Variants in TRHDE observed in about 807,000 individuals in gnomAD.
The protein encoded by TRHDE is thyrotropin-releasing hormone-degrading ectoenzyme.
TRHDE carries 72 observed loss-of-function variants against 125.7 expected under a neutral mutation model. The observed-to-expected ratio is 0.57, with a 90% confidence interval of 0.47 to 0.70. The LOEUF is 0.70. TRHDE is among the 30% of genes least tolerant of loss of function. TRHDE has a pLI of 0.00. For synonymous variants in TRHDE, 509 were observed against 509.1 expected (o/e 1.00, Z 0.00); for missense variants, 1,110 against 1,327.1 (o/e 0.84, Z 2.54).
intron 2 of TRHDE, among the ~76,000 whole-genome samples, chr12:72,333,109 G>T (rs1227319568): frequency 6.6e-6 from 1 of 152,214 alleles, no homozygotes; most frequent in Non-Finnish European, 1.5e-5. Flanking sequence ...TCAGGTCCTT[G>T]ATTTAATGCC....
At chr12:72,510,690 A>T (rs1385258438) in intron 6 of TRHDE, among the ~76,000 whole-genome samples, 2 of 152,198 alleles carry the variant, frequency 1.3e-5, no homozygotes, top group Admixed American at 6.5e-5. Flanking sequence ...AGTAAGTAAC[A>T]TACTAGCATG....
intron 3 of TRHDE, among the ~76,000 whole-genome samples, chr12:72,410,605 AAGG>A (rs979454905): frequency 2.0e-5 from 3 of 152,308 alleles, no homozygotes; most frequent in Middle Eastern, 3.4e-3. Flanking sequence ...TAATTTAAAA[AAGG>A]AGAGAAAATA....
chr12:72,427,898 G>C (rs1018505819), intron 3 of TRHDE, among the ~76,000 whole-genome samples: 9 of 152,130 alleles, frequency 5.9e-5, no homozygotes, highest in African/African-American at 1.9e-4. Flanking sequence ...CAGATTGGCT[G>C]TGTCAGAATG....
intron 15 of TRHDE, among the ~76,000 whole-genome samples, chr12:72,622,148 A>G (rs1389233504): frequency 6.6e-6 from 1 of 152,122 alleles, no homozygotes; most frequent in Admixed American, 6.6e-5. Flanking sequence ...ACAAAGTAGC[A>G]TAACAAATGT....
chr12:72,186,264 G>A, intron 2 of TRHDE: 1 of 166,644 alleles, frequency 6.0e-6, no homozygotes, highest in Non-Finnish European at 1.2e-5. Flanking sequence ...CGGGAGGAAC[G>A]CACAACTCCA....
intron 12 of TRHDE, among the ~76,000 whole-genome samples, chr12:72,584,904 T>C (rs1871378433): frequency 6.6e-6 from 1 of 152,210 alleles, no homozygotes; most frequent in Non-Finnish European, 1.5e-5. Context: ...ACTCTAAAAA[T>C]ATCATATTGT....
At chr12:72,408,706 C>G (rs1307464306) in intron 3 of TRHDE, among the ~76,000 whole-genome samples, 1 of 152,016 alleles carries the variant, frequency 6.6e-6, no homozygotes, top group Non-Finnish European at 1.5e-5. Context: ...GAAGACTGGA[C>G]AAACCAAATC....
chr12:72,605,417 T>C (rs1160097413), intron 12 of TRHDE, among the ~76,000 whole-genome samples: 2 of 152,134 alleles, frequency 1.3e-5, no homozygotes, highest in East Asian at 1.9e-4. Flanking sequence ...TCAGTTACTA[T>C]TTAGCACCCT....
At chr12:72,096,566 A>G (rs1200768839) in intron 1 of TRHDE, among the ~76,000 whole-genome samples, 1 of 152,180 alleles carries the variant, frequency 6.6e-6, no homozygotes, top group East Asian at 1.9e-4. Flanking sequence ...ACAACAACTC[A>G]GTTTTCATTC....
At chr12:72,481,764 T>C (rs1877186413) in intron 5 of TRHDE, among the ~76,000 whole-genome samples, 1 of 151,978 alleles carries the variant, frequency 6.6e-6, no homozygotes, top group African/African-American at 2.4e-5. Flanking sequence ...TCTTTAGCTT[T>C]GTACCTTTTC....
chr12:72,494,028 T>G (rs1877799502), intron 5 of TRHDE, among the ~76,000 whole-genome samples: 1 of 152,078 alleles, frequency 6.6e-6, no homozygotes, highest in African/African-American at 2.4e-5. Flanking sequence ...TGTCTTTGTA[T>G]CTTTCTTATC....
intron 18 of TRHDE, among the ~76,000 whole-genome samples, chr12:72,661,025 A>G (rs761753423): frequency 6.6e-6 from 1 of 152,162 alleles, no homozygotes; most frequent in Non-Finnish European, 1.5e-5. Flanking sequence ...TGTAGAAAGT[A>G]GGCCAGATGT....
intron 1 of TRHDE, among the ~76,000 whole-genome samples, chr12:72,089,304 T>C (rs1288405055): frequency 6.6e-6 from 1 of 152,176 alleles, no homozygotes; most frequent in Non-Finnish European, 1.5e-5. Flanking sequence ...GCCAGAGAGA[T>C]CTTTAAAGAC....
At chr12:72,633,755 G>T (rs563005664) in intron 15 of TRHDE, among the ~76,000 whole-genome samples, 6 of 152,036 alleles carry the variant, frequency 3.9e-5, no homozygotes, top group African/African-American at 1.2e-4. Context: ...TACTATATTT[G>T]ATTGACAAGT....
At chr12:72,178,273 A>C (rs1877028471) in intron 2 of TRHDE, among the ~76,000 whole-genome samples, 1 of 152,122 alleles carries the variant, frequency 6.6e-6, no homozygotes, top group Non-Finnish European at 1.5e-5. Flanking sequence ...ATATTGAGTC[A>C]TCAGACAGTT....
chr12:72,220,536 A>G (rs1877980665), intron 2 of TRHDE, among the ~76,000 whole-genome samples: 1 of 152,050 alleles, frequency 6.6e-6, no homozygotes, highest in South Asian at 2.1e-4. Flanking sequence ...TCCAAAACCC[A>G]AGGAACTCAT....
chr12:72,533,674 CTT>C (rs1230031754), intron 6 of TRHDE, among the ~76,000 whole-genome samples: 1 of 133,504 alleles, frequency 7.5e-6, no homozygotes, highest in African/African-American at 2.7e-5. Context: ...TTCATGGACT[CTT>C]TATGTTTTAT....
chr12:72,300,682 TAC>T (rs927479637), intron 2 of TRHDE, among the ~76,000 whole-genome samples: 15 of 151,860 alleles, frequency 9.9e-5, no homozygotes, highest in African/African-American at 3.6e-4. Flanking sequence ...CACATATATA[TAC>T]ACACACAGTA....
At chr12:72,602,841 A>T (rs2136060869) in intron 12 of TRHDE, among the ~76,000 whole-genome samples, 1 of 152,284 alleles carries the variant, frequency 6.6e-6, no homozygotes, top group Non-Finnish European at 1.5e-5. Context: ...CTACTTTTCA[A>T]TCTATTCCCC....
Sources: allele counts gnomAD v4.1 joint callset (sites outside exome capture counted in the v4.1 genomes callset), GRCh38; gene constraint gnomAD v4.1.1; transcripts MANE v1.5; gene names NCBI Gene and HGNC (gene_info 2026-07-23, HGNC 2026-07-21).